The following ANKRD7 variants were observed in gnomAD, a reference collection of about 807,000 sequenced individuals.
The protein encoded by ANKRD7 is ankyrin repeat domain 7.
ANKRD7 carries 30 observed loss-of-function variants against 30.8 expected under a neutral mutation model. The ratio of observed to expected loss-of-function variants is 0.97; its 90% CI spans 0.73 to 1.32. The LOEUF is 1.32. Among genes scored for constraint, ANKRD7 ranks in the 40% most tolerant of loss-of-function variants. The pLI is 0.00. For missense variants in ANKRD7, 264 were observed against 295.7 expected, an observed-to-expected ratio of 0.89 and a Z score of 0.79; for synonymous variants, 97 against 106.6, an observed-to-expected ratio of 0.91 and a Z score of 0.55.
chr7:118,240,312 CT>C (rs1809807529), intron 6 of ANKRD7, among the ~76,000 whole-genome samples: 1 of 152,120 alleles, frequency 6.6e-6, no homozygotes, highest in Non-Finnish European at 1.5e-5. Flanking sequence ...TCCTTCCCCC[CT>C]CCCCCCACCT....
At chr7:118,234,625 AAC>A (rs1491286463) in intron 2 of ANKRD7, 74 bp from the exon 3 acceptor site, 123 of 1,558,068 alleles carry the variant, frequency 7.9e-5, no homozygotes, top group Admixed American at 1.6e-4. Context: ...CATGTTTTAA[AAC>A]ATAGTATCAA....
intron 1 of ANKRD7, 127 bp downstream of exon 1, chr7:118,225,136 C>A: frequency 1.8e-6 from 2 of 1,101,326 alleles, no homozygotes; most frequent in South Asian, 1.5e-5. Flanking sequence ...GAGAGATTGT[C>A]TGGTAACCAT....
At position 118,233,192 on chromosome 7, in the gene ANKRD7, T is replaced by TAC. The variant is rs554348283; in HGVS notation, c.180-1237_180-1236dup. ...GTTGTTTGATGAATCATTTTTGTCCTACAACAAAGTACTTCTTTGTTCGTT... is the reference window on the plus strand; with the variant it reads ...GTTGTTTGATGAATCATTTTTGTCCTACACAACAAAGTACTTCTTTGTTCGTT... On this transcript the variant is annotated intron_variant, in intron 1 of 6. Transcript: ENST00000265224. 1.3e-3 allele frequency among the ~76,000 whole-genome samples: 199 copies of TAC among 152,290 alleles called. 1 individual carries two copies. The highest frequency in any genetic ancestry group is 4.5e-3 in the African/African-American group (187 of 41,586).
intron 6 of ANKRD7, among the ~76,000 whole-genome samples, chr7:118,241,896 C>T (rs1301869006): frequency 2.6e-5 from 4 of 152,122 alleles, no homozygotes; most frequent in Non-Finnish European, 5.9e-5. Flanking sequence ...CTCTCTCTCT[C>T]TTTTAAATGT....
At chr7:118,225,826 A>G (rs569842899) in intron 1 of ANKRD7, among the ~76,000 whole-genome samples, 14 of 152,258 alleles carry the variant, frequency 9.2e-5, no homozygotes, top group East Asian at 1.9e-4. Flanking sequence ...TTCTCCCTTC[A>G]TTGCTACCCA....
chr7:118,234,545 G>A lies in ANKRD7; in HGVS notation c.294G>A (p.Lys98=), dbSNP rs1274249495. Residue 98 remains lysine, a splice_region_variant and synonymous_variant, in exon 2 of 7, where the codon AAG becomes AAA. Coordinates refer to ENST00000265224, the MANE Select transcript of ANKRD7 (RefSeq NM_019644.4). The part of the protein sequence containing the change: ...RDSENKSPLI[K]AVQCQNEDCA... ...GTGAAAACAAATCCCCATTGATTAA[G>A]GTATGCCATAGTTTTTCTTTTTCAA... 6.3e-7 allele frequency: 1 copy of A among 1,597,822 alleles called. No homozygotes were observed. The highest frequency in any genetic ancestry group is 8.5e-7 in the Non-Finnish European group (1 of 1,174,204).
At chr7:118,228,120 C>T in intron 1 of ANKRD7, 1 of 1,147,422 alleles carries the variant, frequency 8.7e-7, no homozygotes, top group South Asian at 1.6e-5. Flanking sequence ...AACACTGGGG[C>T]CATCTGGCAT....
intron 1 of ANKRD7, among the ~76,000 whole-genome samples, chr7:118,225,216 G>T (rs1809520613): frequency 6.6e-6 from 1 of 152,084 alleles, no homozygotes; most frequent in South Asian, 2.1e-4. Flanking sequence ...GCCGGGCGTG[G>T]TTGCTCACGT....
intron 6 of ANKRD7, among the ~76,000 whole-genome samples, chr7:118,241,029 C>T (rs1430689811): frequency 5.3e-5 from 8 of 149,862 alleles, no homozygotes; most frequent in Admixed American, 2.0e-4. Flanking sequence ...TGGCGGGCGC[C>T]TGTAGTCCCA....
intron 1 of ANKRD7, chr7:118,227,989 A>G: frequency 1.5e-6 from 2 of 1,316,442 alleles, no homozygotes; most frequent in South Asian, 2.4e-5. Context: ...ATGACTTTAT[A>G]AGGTAATCGA....
At chr7:118,225,043 G>T in intron 1 of ANKRD7, 34 bp downstream of exon 1, 1 of 1,610,150 alleles carries the variant, frequency 6.2e-7, no homozygotes, top group Non-Finnish European at 8.5e-7. Flanking sequence ...CGGGAGGACG[G>T]GTTGGGGCCT....
chr7:118,234,608 G>T, intron 2 of ANKRD7, 63 bp downstream of exon 2: 1 of 1,555,790 alleles, frequency 6.4e-7, no homozygotes, highest in South Asian at 1.2e-5. Flanking sequence ...AATTTTTGTT[G>T]ATTTTTCATG....
At chr7:118,225,253 G>A (rs1008495984) in intron 1 of ANKRD7, among the ~76,000 whole-genome samples, 3 of 152,072 alleles carry the variant, frequency 2.0e-5, no homozygotes, top group African/African-American at 4.8e-5. Context: ...CTGGGAGGCC[G>A]AGGCGGGTGG....
Position 118,241,070 on chromosome 7 carries a change from C to T in ANKRD7, c.*37+1072C>T, listed in dbSNP as rs560537443. Among the ~76,000 whole-genome samples, 103 of 139,906 alleles carry T rather than the reference C, an allele frequency of 7.4e-4. 1 individual carries two copies. Among genetic ancestry groups the T allele is most frequent in the South Asian group, 2.8e-3 (12 of 4,266 alleles). The allele number at this position is 139,906 out of a possible 152,430, so 91.8% of individuals were successfully genotyped here. ...TCGGGAGGCTGAGGCAGGAGAATGG[C>T]GTGAACCCGGGAGGCGGAGCTTGCA... On this transcript the variant is annotated intron_variant, in intron 6 of 6. Transcript: ENST00000265224.
intron 5 of ANKRD7, chr7:118,239,680 T>A (rs1384203295): frequency 6.6e-6 from 2 of 301,860 alleles, no homozygotes. Flanking sequence ...TAGTGGCTTT[T>A]AAAAAAATCA....
rs767719309 is a variant in ANKRD7 at position 118,232,310 on chromosome 7, G to T, written c.180-2121G>T. On this transcript the variant is annotated intron_variant, in intron 1 of 6. Transcript: ENST00000265224. Reference sequence around the variant, plus strand: ...TCTGTATGTTTTTTAAAACATTTTGGTTTTTTTTTAAACTAAGATGACTGC... The same window carrying T: ...TCTGTATGTTTTTTAAAACATTTTGTTTTTTTTTTAAACTAAGATGACTGC... Among the ~76,000 whole-genome samples the T allele has an allele frequency of 1.1e-4, 16 of 150,938 alleles. 1 individual carries two copies. Among genetic ancestry groups the T allele is most frequent in the East Asian group, 3.9e-4 (2 of 5,158 alleles).
chr7:118,229,188 CAGAT>C (rs1299658986), intron 1 of ANKRD7, among the ~76,000 whole-genome samples: 5 of 151,988 alleles, frequency 3.3e-5, no homozygotes, highest in African/African-American at 9.7e-5. Flanking sequence ...GCTTTTCCCT[CAGAT>C]AGTCATATGA....
Position 118,235,885 on chromosome 7 carries a change from G to A in ANKRD7, c.469-156G>A, listed in dbSNP as rs1317060726. Among the ~76,000 whole-genome samples the A allele has an allele frequency of 3.9e-5, 6 of 152,008 alleles. No individual in the cohort carries two copies. In the East Asian group the frequency reaches 1.2e-3, roughly 29 times the overall value. ...GGCTCAACCCTGATTTGTTTTCTTG[G>A]TCTTTGAAATCACATTTTTTTATGT... On this transcript the variant is annotated intron_variant, in intron 3 of 6. Coordinates refer to ENST00000265224, the MANE Select transcript of ANKRD7 (RefSeq NM_019644.4).
At chr7:118,235,463 T>A (rs539940600) in intron 3 of ANKRD7, among the ~76,000 whole-genome samples, 3 of 151,974 alleles carry the variant, frequency 2.0e-5, no homozygotes, top group African/African-American at 4.8e-5. Flanking sequence ...ATACAAAAAA[T>A]TAGCTGGTCG....
Sources: gnomAD v4.1 joint callset for allele counts (sites outside exome capture counted in the v4.1 genomes callset) on GRCh38, gnomAD v4.1.1 for gene constraint, MANE v1.5 for transcripts, NCBI Gene and HGNC (gene_info 2026-07-23, HGNC 2026-07-21) for gene names.